Variants in GCA observed in about 807,000 individuals in gnomAD.
GCA encodes the protein grancalcin.
GCA carries 30 observed loss-of-function variants against 32.6 expected under a neutral mutation model. The observed-to-expected ratio is 0.92, with a 90% CI of 0.69 to 1.25. The LOEUF (loss-of-function observed/expected upper bound fraction) is 1.25, where lower values mean the gene tolerates loss of function less well. GCA is among the 50% of genes most tolerant of loss of function. The pLI is 0.00. For synonymous variants in GCA, 102 were observed against 84.6 expected (o/e 1.21, Z -1.13); for missense variants, 291 against 266.8 (o/e 1.09, Z -0.63).
chr2:162,350,989 C>G (rs578228365), intron 2 of GCA, among the ~76,000 whole-genome samples: 1 of 152,272 alleles, frequency 6.6e-6, no homozygotes, highest in South Asian at 2.1e-4. Context: ...AACCCAACTA[C>G]TGAACTTACA....
downstream of GCA, among the ~76,000 whole-genome samples, chr2:162,373,104 G>A (rs1451000910): frequency 6.6e-6 from 1 of 151,912 alleles, no homozygotes; most frequent in East Asian, 1.9e-4. Context: ...GCTCTTTTGG[G>A]ACCCAGATTT....
In GCA at chr2:162,362,416, C is replaced by T. The variant is rs779137010; in HGVS notation, c.*2173C>T. 74 of 970,236 alleles carry T rather than the reference C, an allele frequency of 7.6e-5. No individual in the cohort carries two copies. Among genetic ancestry groups the T allele is most frequent in the African/African-American group, 2.3e-4 (13 of 56,924 alleles). 60.1% of individuals were successfully genotyped at this position (970,236 alleles called of 1,614,324 possible). On this transcript the variant is annotated 3_prime_UTR_variant, in exon 8 of 8. Coordinates refer to ENST00000437150, the MANE Select transcript of GCA (RefSeq NM_012198.5). ...TATACTGAAATACAGTTCACTTTTT[C>T]GATGCTTTAAAAATAACTGATATTT...
At chr2:162,344,404 G>A in intron 1 of GCA, 129 bp downstream of exon 1, 1 of 865,480 alleles carries the variant, frequency 1.2e-6, no homozygotes, top group Non-Finnish European at 1.8e-6. Flanking sequence ...GGCGGCGCCG[G>A]ATTCCGGGGC....
At chr2:162,333,172 T>C (rs1270487648) in intron 1 of GCA, among the ~76,000 whole-genome samples, 1 of 152,050 alleles carries the variant, frequency 6.6e-6, no homozygotes, top group African/African-American at 2.4e-5. Flanking sequence ...GTTGAGCAAG[T>C]TCTGGAACCT....
rs1553464761 is a variant in GCA at position 162,345,131 on chromosome 2, G to GGTGGTT, written c.27+871_27+876dup. ...TGGTGGTGGTGGTGGTGGTGGTGGTGGTGGTTGTGGTTGTGGTTGTTGTTG... is the reference window on the plus strand; with the variant it reads ...TGGTGGTGGTGGTGGTGGTGGTGGTGGTGGTTGTGGTTGTGGTTGTGGTTGTTGTTG... On this transcript the variant is annotated intron_variant, in intron 1 of 7. Transcript: ENST00000437150. Among the ~76,000 whole-genome samples, 179 of 144,184 alleles carry GGTGGTT rather than the reference G, an allele frequency of 1.2e-3. 1 individual carries two copies. Among genetic ancestry groups the GGTGGTT allele is most frequent in the South Asian group, 2.2e-3 (10 of 4,622 alleles). The allele number at this position is 144,184 out of a possible 152,430, so 94.6% of individuals were successfully genotyped here.
chr2:162,356,297 T>C, intron 3 of GCA, 141 bp from the exon 4 acceptor site: 1 of 628,528 alleles, frequency 1.6e-6, no homozygotes. Context: ...GTGCTTAACA[T>C]TCAATAATAG....
chr2:162,356,191 G>A (rs1470056416), intron 3 of GCA, among the ~76,000 whole-genome samples: 2 of 152,004 alleles, frequency 1.3e-5, no homozygotes, highest in Admixed American at 1.3e-4. Flanking sequence ...CTTTGTCACA[G>A]TAATTTTCAG....
chr2:162,331,129 CAAAG>C (rs1260870102), intron 1 of GCA, among the ~76,000 whole-genome samples: 1 of 152,066 alleles, frequency 6.6e-6, no homozygotes, highest in Non-Finnish European at 1.5e-5. Flanking sequence ...AAATCACTAA[CAAAG>C]AACACAAAAA....
intron 3 of GCA, among the ~76,000 whole-genome samples, chr2:162,353,187 C>T (rs974391972): frequency 6.6e-5 from 10 of 151,848 alleles, no homozygotes; most frequent in African/African-American, 1.9e-4. Flanking sequence ...AAAAAAAATA[C>T]GGCCAGGCGC....
intron 4 of GCA, among the ~76,000 whole-genome samples, chr2:162,370,364 G>T (rs764751319): frequency 6.6e-6 from 1 of 152,038 alleles, no homozygotes. Flanking sequence ...TACTTGAATT[G>T]AAAAATAACA....
downstream of GCA, among the ~76,000 whole-genome samples, chr2:162,363,634 A>C (rs938850267): frequency 3.3e-5 from 5 of 151,478 alleles, no homozygotes; most frequent in African/African-American, 9.7e-5. Context: ...ACTTTCCAGC[A>C]AAACACTGGG....
downstream of GCA, chr2:162,373,528 C>G (rs1217886263): frequency 1.3e-6 from 2 of 1,587,498 alleles, no homozygotes; most frequent in African/African-American, 2.7e-5. Flanking sequence ...TTGACTGGTT[C>G]TCATCAGCTG....
At chr2:162,364,968 A>G (rs1685703614), downstream of GCA, among the ~76,000 whole-genome samples, 1 of 151,568 alleles carries the variant, frequency 6.6e-6, no homozygotes, top group South Asian at 2.1e-4. Context: ...TTTAGATTTA[A>G]TGCTTTTTGC....
At chr2:162,368,378 C>A (rs1171890551) in intron 4 of GCA, among the ~76,000 whole-genome samples, 1 of 151,926 alleles carries the variant, frequency 6.6e-6, no homozygotes. Flanking sequence ...AATTTAGACA[C>A]TCTGTTATGC....
At chr2:162,322,105 A>T (rs1262009488) in intron 1 of GCA, among the ~76,000 whole-genome samples, 1 of 150,256 alleles carries the variant, frequency 6.7e-6, no homozygotes, top group African/African-American at 2.4e-5. Context: ...AATAGAAAAA[A>T]AATTATGGCT....
chr2:162,337,063 C>T (rs2105286626), intron 1 of GCA, among the ~76,000 whole-genome samples: 1 of 152,284 alleles, frequency 6.6e-6, no homozygotes, highest in Admixed American at 6.5e-5. Context: ...TTGACATTTT[C>T]CACCTGCCCA....
chr2:162,357,901 T>C (rs1685364824), intron 5 of GCA, among the ~76,000 whole-genome samples: 1 of 151,694 alleles, frequency 6.6e-6, no homozygotes, highest in Non-Finnish European at 1.5e-5. Context: ...AATATTCAAA[T>C]TATTTTTCTG....
At chr2:162,340,077 C>T (rs1684389792), upstream of GCA, among the ~76,000 whole-genome samples, 2 of 152,150 alleles carry the variant, frequency 1.3e-5, no homozygotes, top group African/African-American at 4.8e-5. Context: ...CTTTCATTAT[C>T]AGCATCAGCA....
downstream of GCA, among the ~76,000 whole-genome samples, chr2:162,374,768 A>G (rs1395301376): frequency 6.6e-6 from 1 of 152,116 alleles, no homozygotes; most frequent in Non-Finnish European, 1.5e-5. Flanking sequence ...AAGAATCACA[A>G]TAACACATTA....
Sources: allele counts gnomAD v4.1 joint callset (sites outside exome capture counted in the v4.1 genomes callset), GRCh38; gene constraint gnomAD v4.1.1; transcripts MANE v1.5; gene names NCBI Gene and HGNC (gene_info 2026-07-23, HGNC 2026-07-21).